Variants in CCDC191 observed in about 807,000 individuals in gnomAD.
CCDC191 encodes coiled-coil domain containing 191.
Under a neutral mutation model 114.0 loss-of-function variants are expected in CCDC191, and 99 were observed. The observed-to-expected ratio is 0.87, with a 90% CI of 0.74 to 1.03. The LOEUF (loss-of-function observed/expected upper bound fraction) is 1.03, where lower values mean the gene tolerates loss of function less well. Ranked by LOEUF, CCDC191 falls within the 50% of genes least tolerant of loss-of-function variation. CCDC191 has a pLI of 0.00. For synonymous variants in CCDC191, 351 were observed against 376.0 expected (o/e 0.93, Z 0.77); for missense variants, 973 against 1,087.0 (o/e 0.90, Z 1.47).
intron 9 of CCDC191, among the ~76,000 whole-genome samples, chr3:114,008,080 C>T (rs1053959737): frequency 1.4e-5 from 2 of 145,070 alleles, no homozygotes; most frequent in Non-Finnish European, 3.0e-5. Flanking sequence ...ATATATATTA[C>T]TATATATATA....
intron 13 of CCDC191, chr3:113,983,994 C>G (rs192817588): frequency 2.6e-5 from 4 of 152,306 alleles, no homozygotes; most frequent in Admixed American, 6.5e-5. Flanking sequence ...GCTTTTCTGG[C>G]AGGGTCATGG....
intron 7 of CCDC191, among the ~76,000 whole-genome samples, chr3:114,021,976 C>A (rs994762080): frequency 2.0e-5 from 3 of 152,058 alleles, no homozygotes; most frequent in Non-Finnish European, 4.4e-5. Context: ...ATCTCTTTAT[C>A]ATAGTTGTGG....
intron 16 of CCDC191, among the ~76,000 whole-genome samples, chr3:113,972,691 T>C (rs1940943172): frequency 1.3e-5 from 2 of 152,308 alleles, no homozygotes; most frequent in East Asian, 1.9e-4. Context: ...ATGATTGTAT[T>C]GCAGTTATCT....
At chr3:113,994,595 T>C (rs1161396946) in intron 13 of CCDC191, among the ~76,000 whole-genome samples, 1 of 151,744 alleles carries the variant, frequency 6.6e-6, no homozygotes, top group African/African-American at 2.4e-5. Context: ...TTTTTTTTTT[T>C]TTTTTAGAAA....
intron 7 of CCDC191, among the ~76,000 whole-genome samples, chr3:114,031,302 CAG>C (rs887875111): frequency 6.6e-6 from 1 of 152,140 alleles, no homozygotes; most frequent in African/African-American, 2.4e-5. Context: ...CAAAAACTGC[CAG>C]AGAGCTACCT....
intron 16 of CCDC191, 191 bp from the exon 17 acceptor site, chr3:113,965,550 GTGAC>G (rs879807213): frequency 2.5e-6 from 1 of 393,716 alleles, no homozygotes; most frequent in East Asian, 3.8e-5. Flanking sequence ...GGGAATGAGA[GTGAC>G]TGATTGATTG....
intron 1 of CCDC191, among the ~76,000 whole-genome samples, chr3:114,056,042 A>G (rs78095485): frequency 6.6e-6 from 1 of 151,882 alleles, no homozygotes; most frequent in East Asian, 1.9e-4. Flanking sequence ...AGAGAAAAAG[A>G]AAGAAATGTG....
chr3:113,988,626 C>CAAAAA (rs887679387), intron 13 of CCDC191, among the ~76,000 whole-genome samples: 6 of 43,632 alleles, frequency 1.4e-4, no homozygotes, highest in African/African-American at 3.6e-4. Context: ...GACTCCATCT[C>CAAAAA]AAAAAAAAAA....
intron 16 of CCDC191, among the ~76,000 whole-genome samples, chr3:113,971,118 C>G (rs1321368460): frequency 6.6e-6 from 1 of 152,182 alleles, no homozygotes; most frequent in East Asian, 1.9e-4. Context: ...ATTTCTAGTT[C>G]TAGATCCCTG....
intron 3 of CCDC191, among the ~76,000 whole-genome samples, chr3:114,046,149 T>A (rs2076626339): frequency 1.3e-5 from 2 of 152,302 alleles, no homozygotes; most frequent in Admixed American, 6.5e-5. Context: ...AATGGTAGAG[T>A]TCCCCAGGGC....
chr3:114,011,807 A>G (rs1333759713), intron 8 of CCDC191, among the ~76,000 whole-genome samples: 10 of 152,206 alleles, frequency 6.6e-5, no homozygotes, highest in African/African-American at 2.2e-4. Context: ...TTTCTTCCCA[A>G]TGGGAATCTG....
chr3:113,990,915 T>C (rs1242693926), intron 13 of CCDC191, among the ~76,000 whole-genome samples: 2 of 103,648 alleles, frequency 1.9e-5, no homozygotes, highest in African/African-American at 3.9e-5. Flanking sequence ...CTGCGCAACA[T>C]AGTGATAAAG....
At position 114,034,989 on chromosome 3, in the gene CCDC191, C is replaced by A. The variant is rs780778075; in HGVS notation, c.754G>T (p.Glu252Ter). ...AKKEEEEIQR[E>*]MVKLRREIIE... ...ATCTCCCTCCGCAGCTTCACCATCT[C>A]CCTTTGAATCTCCTCTTCCTCTTTC... Residue 252 changes from glutamate (E) to a stop codon, truncating the protein, a stop_gained, in exon 6 of 17, where the codon GAG becomes TAG. Transcript: ENST00000295878. LOFTEE classifies it high-confidence loss of function. 6.2e-6 allele frequency: 10 copies of A among 1,614,070 alleles called. No homozygotes were observed. In the Admixed American group the frequency reaches 8.3e-5, roughly 13 times the overall value.
In CCDC191 at chr3:113,964,533, C is replaced by T. The variant is rs1939919902; in HGVS notation, c.*622G>A. The stretch of plus-strand genomic sequence containing the variant: ...CTGGACTGTCATGATAGAGCTATTA[C>T]CTTTTGGAATGTCCTTCATGCTTAT... On this transcript the variant is annotated 3_prime_UTR_variant, in exon 17 of 17. Coordinates refer to ENST00000295878, the MANE Select transcript of CCDC191 (RefSeq NM_020817.2). The T allele has an allele frequency of 6.6e-6, 1 of 152,166 alleles. No homozygotes were observed. Among genetic ancestry groups the T allele is most frequent in the African/African-American group, 2.4e-5 (1 of 41,432 alleles). 9.4% of individuals were successfully genotyped at this position (152,166 alleles called of 1,614,324 possible).
intron 2 of CCDC191, among the ~76,000 whole-genome samples, chr3:114,053,223 C>T (rs73856226): frequency 0.036 from 5,492 of 152,264 alleles, 352 homozygotes; most frequent in African/African-American, 0.13. Flanking sequence ...GTGATGCACA[C>T]GTAGTTTTCA....
At chr3:114,005,308 G>A (rs1211738791) in intron 10 of CCDC191, among the ~76,000 whole-genome samples, 200 bp downstream of exon 10, 6 of 152,182 alleles carry the variant, frequency 3.9e-5, no homozygotes, top group African/African-American at 1.4e-4. Flanking sequence ...AATGCTAACA[G>A]TATAACTGGA....
intron 16 of CCDC191, among the ~76,000 whole-genome samples, chr3:113,967,675 G>A (rs887122418): frequency 6.6e-6 from 1 of 152,086 alleles, no homozygotes; most frequent in Non-Finnish European, 1.5e-5. Flanking sequence ...ATTTTGAAAT[G>A]CACAATAGGT....
At chr3:114,054,591 T>G (rs959589208) in intron 1 of CCDC191, among the ~76,000 whole-genome samples, 1 of 152,106 alleles carries the variant, frequency 6.6e-6, no homozygotes, top group Non-Finnish European at 1.5e-5. Flanking sequence ...GAGCCGAGAT[T>G]GCACCACTGC....
intron 8 of CCDC191, among the ~76,000 whole-genome samples, chr3:114,018,027 TAAG>T (rs1401003316): frequency 2.0e-5 from 3 of 152,084 alleles, no homozygotes; most frequent in Admixed American, 6.6e-5. Flanking sequence ...TTCACAAACA[TAAG>T]AAGGAGCTGT....
Sources: allele counts gnomAD v4.1 joint callset (sites outside exome capture counted in the v4.1 genomes callset), GRCh38; gene constraint gnomAD v4.1.1; transcripts MANE v1.5; gene names NCBI Gene and HGNC (gene_info 2026-07-23, HGNC 2026-07-21).